AP2A2: variants seen among roughly 807,000 people sequenced by gnomAD.
AP2A2 encodes the protein AP-2 complex subunit alpha-2.
In AP2A2, 32 loss-of-function variants were observed where a neutral mutation model predicts 104.2. The ratio of observed to expected loss-of-function variants is 0.31; its 90% CI spans 0.23 to 0.41. The LOEUF (loss-of-function observed/expected upper bound fraction) is 0.41, where lower values mean the gene tolerates loss of function less well. Ranked by LOEUF, AP2A2 falls within the 10% of genes least tolerant of loss-of-function variation. The probability of loss-of-function intolerance (pLI) is 1.00; values close to 1 mark genes in which losing one functional copy is unlikely to be tolerated. For synonymous variants in AP2A2, 539 were observed against 533.3 expected (o/e 1.01, Z -0.15); for missense variants, 912 against 1,261.0 (o/e 0.72, Z 4.19).
intron 4 of AP2A2, among the ~76,000 whole-genome samples, chr11:973,647 TGGAA>T (rs535299290): frequency 2.5e-3 from 352 of 139,898 alleles, no homozygotes; most frequent in Non-Finnish European, 3.9e-3. Flanking sequence ...GTGCCCAAGA[TGGAA>T]GGAAGGCTCG....
At chr11:1,002,215 C>G (rs116830444) in intron 15 of AP2A2, among the ~76,000 whole-genome samples, 4,546 of 152,354 alleles carry the variant, frequency 0.03, 228 homozygotes, top group African/African-American at 0.1. Context: ...AGTCCACACC[C>G]TGAGTGTAAA....
At position 1,000,488 on chromosome 11, in the gene AP2A2, C is replaced by T. The variant is rs769081888; in HGVS notation, c.2013C>T (p.Pro671=). 2.8e-5 allele frequency: 43 copies of T among 1,539,776 alleles called. No individual in the cohort carries two copies. The South Asian group carries it at 4.3e-4, about 15-fold the overall frequency. ...GTCTCGGGGCTGCCCCCCCTGCCCC[C>T]GCGGGCCCCCCACCCTCCTCCGGCG... ...LLGLGAAPPA[P]AGPPPSSGGS... Residue 671 remains proline, a synonymous_variant, in exon 15 of 22, where the codon CCC becomes CCT. Coordinates refer to ENST00000448903, the MANE Select transcript of AP2A2 (RefSeq NM_012305.4).
Position 986,773 on chromosome 11 carries a change from C to T in AP2A2, c.963-12C>T. 1 of 1,611,862 alleles carries T rather than the reference C, an allele frequency of 6.2e-7. No individual in the cohort carries two copies. Among genetic ancestry groups the T allele is most frequent in the Non-Finnish European group, 8.5e-7 (1 of 1,179,274 alleles). On this transcript the variant is annotated splice_polypyrimidine_tract_variant and intron_variant, in intron 8 of 21. Transcript: ENST00000448903. Reference sequence around the variant, plus strand: ...TGAGGAAACCCCACCCACTTCCCCTCCCTCCACACAGTGAGCCGAACCTGC... The same window carrying T: ...TGAGGAAACCCCACCCACTTCCCCTTCCTCCACACAGTGAGCCGAACCTGC...
At chr11:1,004,568 G>A (rs1856141315) in intron 16 of AP2A2, among the ~76,000 whole-genome samples, 1 of 151,994 alleles carries the variant, frequency 6.6e-6, no homozygotes, top group Non-Finnish European at 1.5e-5. Context: ...TTGAGCCCAG[G>A]TGTTTGAGAC....
In AP2A2 at chr11:1,000,480, C is replaced by A. The variant is rs111435435; in HGVS notation, c.2005C>A (p.Pro669Thr). The A allele has an allele frequency of 7.9e-5, 121 of 1,540,134 alleles. No individual in the cohort carries two copies. Among genetic ancestry groups the A allele is most frequent in the Admixed American group, 9.8e-5 (5 of 51,122 alleles). ...CCTGCTGGGTCTCGGGGCTGCCCCCCCTGCCCCCGCGGGCCCCCCACCCTC... is the reference window on the plus strand; with the variant it reads ...CCTGCTGGGTCTCGGGGCTGCCCCCACTGCCCCCGCGGGCCCCCCACCCTC... The part of the protein sequence containing the change: ...ADLLGLGAAP[P>T]APAGPPPSSG... Residue 669 changes from proline to threonine, a missense_variant, in exon 15 of 22, where the codon CCT (proline) becomes ACT (threonine). Pro to Thr is a conservative substitution (Grantham distance 38, BLOSUM62 -1). This residue lies in a region of AP2A2 where 105 missense variants were observed against 90.9 expected (regional missense o/e 1.16). Transcript: ENST00000448903.
intron 4 of AP2A2, among the ~76,000 whole-genome samples, chr11:972,612 G>T (rs1403531405): frequency 1.3e-5 from 2 of 152,226 alleles, no homozygotes; most frequent in Non-Finnish European, 2.9e-5. Context: ...CAGGAGGATT[G>T]CTTGAGCCCA....
chr11:977,098 C>T lies in AP2A2; in HGVS notation c.477C>T (p.Asp159=). ...ACTCTTGACGTCTGTCTTTCAGAGA[C>T]ACTATGGACAGCGTGAAGCAGAGCG... ...GEIPKVLVAG[D]TMDSVKQSAA... Residue 159 remains aspartate (D), a synonymous_variant, in exon 5 of 22, where the codon GAC becomes GAT. Transcript: ENST00000448903. The T allele has an allele frequency of 6.2e-7, 1 of 1,613,670 alleles. No individual in the cohort carries two copies. Among genetic ancestry groups the T allele is most frequent in the Non-Finnish European group, 8.5e-7 (1 of 1,179,796 alleles).
chr11:1,006,443 T>TG, intron 16 of AP2A2, 85 bp from the exon 17 acceptor site: 1 of 929,118 alleles, frequency 1.1e-6, no homozygotes, highest in South Asian at 1.5e-5. Flanking sequence ...AGCTGAAGAT[T>TG]GTGGGGGGCT....
intron 14 of AP2A2, among the ~76,000 whole-genome samples, chr11:997,621 A>G (rs772788919): frequency 3.9e-5 from 6 of 152,238 alleles, no homozygotes; most frequent in Admixed American, 1.3e-4. Flanking sequence ...AAAGCCATAG[A>G]TGGCTGGGCA....
rs750472322 is a variant in AP2A2, at chr11:993,243, G to GAACCTGGCTGC, written c.1453-41_1453-40insAACCTGGCTGC. The GAACCTGGCTGC allele has an allele frequency of 6.5e-7, 1 of 1,543,318 alleles. No homozygotes were observed. Among genetic ancestry groups the GAACCTGGCTGC allele is most frequent in the Non-Finnish European group, 8.8e-7 (1 of 1,138,860 alleles). Reference sequence around the variant, plus strand: ...ACGTGCCCGCCTCGCCTTAACTCTGGCACCTGGCTGCCACCCCGGCTCATT... The same window carrying GAACCTGGCTGC: ...ACGTGCCCGCCTCGCCTTAACTCTGGAACCTGGCTGCCACCTGGCTGCCACCCCGGCTCATT... On this transcript the variant is annotated intron_variant, in intron 11 of 21. Transcript: ENST00000448903. This position sits in a 1 kb window ranked among gnomAD's most constrained non-coding sequence, Gnocchi z 8.2.
In AP2A2 at chr11:993,690, C is replaced by T. The variant is rs545324151; in HGVS notation, c.1551-64C>T. The T allele has an allele frequency of 3.4e-5, 44 of 1,309,038 alleles. No individual in the cohort carries two copies. The highest frequency in any genetic ancestry group is 2.0e-4 in the East Asian group (8 of 39,368). The allele number at this position is 1,309,038 out of a possible 1,614,324, so 81.1% of individuals were successfully genotyped here. On this transcript the variant is annotated intron_variant, in intron 12 of 21. Coordinates refer to ENST00000448903, the MANE Select transcript of AP2A2 (RefSeq NM_012305.4). The surrounding 1 kb of genome is among the most constrained non-coding windows in gnomAD (Gnocchi z 8.2). ...GGGTCTCGCCGCCGTCCCCCCCCCG[C>T]GGGGGCGTGCTGCAGCCTGCGAGGG... is the stretch of plus-strand genomic sequence containing the variant.
intron 21 of AP2A2, 57 bp from the exon 22 acceptor site, chr11:1,010,491 C>A: frequency 7.0e-7 from 1 of 1,423,042 alleles, no homozygotes; most frequent in Non-Finnish European, 9.7e-7. Flanking sequence ...GGATCCTGGA[C>A]CCGAGGGCTG....
At chr11:952,663 CTG>C (rs952982346) in intron 1 of AP2A2, among the ~76,000 whole-genome samples, 7 of 152,090 alleles carry the variant, frequency 4.6e-5, no homozygotes, top group Non-Finnish European at 8.8e-5. Context: ...AAAGATCAGA[CTG>C]TGTGTGGGGC....
At chr11:932,349 G>C (rs1853317352) in intron 1 of AP2A2, among the ~76,000 whole-genome samples, 1 of 152,236 alleles carries the variant, frequency 6.6e-6, no homozygotes, top group Non-Finnish European at 1.5e-5. Context: ...CAGTTATGGA[G>C]TCATAAATTA....
At chr11:981,325 A>G (rs1331783916) in intron 6 of AP2A2, 26 bp downstream of exon 6, 4 of 1,535,152 alleles carry the variant, frequency 2.6e-6, no homozygotes, top group Non-Finnish European at 3.6e-6. Context: ...GGGGAGCAGA[A>G]GTCAGGGTGG....
intron 2 of AP2A2, among the ~76,000 whole-genome samples, chr11:966,696 A>AT (rs1854629385): frequency 6.6e-6 from 1 of 152,156 alleles, no homozygotes; most frequent in Non-Finnish European, 1.5e-5. Flanking sequence ...TGTGAGCCTC[A>AT]TGCAGGCTGT....
At chr11:1,006,666 C>T (rs1266374315) in intron 17 of AP2A2, 49 bp downstream of exon 17, 5 of 1,408,826 alleles carry the variant, frequency 3.5e-6, no homozygotes, top group Non-Finnish European at 4.9e-6. Context: ...TAATGTGGGG[C>T]TTAGAGGAGG....
chr11:979,443 A>G (rs1310441112), intron 5 of AP2A2, among the ~76,000 whole-genome samples: 1 of 151,964 alleles, frequency 6.6e-6, no homozygotes, highest in Non-Finnish European at 1.5e-5. Flanking sequence ...TTCCTTGGAA[A>G]GCTGAGGGCA....
chr11:991,952 CGTG>C (rs1235604233), intron 10 of AP2A2, among the ~76,000 whole-genome samples: 1 of 151,994 alleles, frequency 6.6e-6, no homozygotes, highest in Non-Finnish European at 1.5e-5. Flanking sequence ...GTGGCTGCCA[CGTG>C]GGTGTGGGCT....
Sources: gnomAD v4.1 joint callset for allele counts (sites outside exome capture counted in the v4.1 genomes callset) on GRCh38, gnomAD v4.1.1 for gene constraint, gnomAD v4.1.1 regional missense constraint, Gnocchi (gnomAD v3.1) non-coding constraint, MANE v1.5 for transcripts, NCBI Gene and HGNC (gene_info 2026-07-23, HGNC 2026-07-21) for gene names.